The following PDE1C variants were observed in gnomAD, a reference collection of about 807,000 sequenced individuals.
PDE1C encodes phosphodiesterase 1C.
A neutral mutation model predicts 93.1 loss-of-function variants in PDE1C; 62 were observed. That is an observed-to-expected ratio of 0.67 (90% CI 0.54 to 0.82). The LOEUF is 0.82. Ranked by LOEUF, PDE1C falls within the 40% of genes least tolerant of loss-of-function variation. The pLI is 0.00. For missense variants in PDE1C, 742 were observed against 884.6 expected (o/e 0.84, Z 2.04); for synonymous variants, 325 against 310.1 (o/e 1.05, Z -0.50).
Position 32,211,013 on chromosome 7 carries a change from G to C in PDE1C, c.86-1474C>G, listed in dbSNP as rs188994474. Among the ~76,000 whole-genome samples, 677 of 152,200 alleles carry C rather than the reference G, an allele frequency of 4.4e-3. 3 individuals carry two copies. The highest frequency in any genetic ancestry group is 0.015 in the African/African-American group (626 of 41,538). ...GTCGGGTCACGAGGTCAGGAGACCA[G>C]CCTGCCCAAGATGGTGAAACCCCAT... is the stretch of plus-strand genomic sequence containing the variant. On this transcript the variant is annotated intron_variant, in intron 1 of 18. Coordinates refer to the PDE1C transcript ENST00000396193.
At chr7:32,316,905 G>A (rs910013216) in intron 1 of PDE1C, among the ~76,000 whole-genome samples, 2 of 152,180 alleles carry the variant, frequency 1.3e-5, no homozygotes, top group African/African-American at 4.8e-5. Flanking sequence ...CCAACAAAGA[G>A]CATTTGTGAG....
At chr7:31,833,576 A>T (rs1487842592) in intron 11 of PDE1C, among the ~76,000 whole-genome samples, 1 of 152,188 alleles carries the variant, frequency 6.6e-6, no homozygotes, top group Non-Finnish European at 1.5e-5. Context: ...ACGAGGAACT[A>T]GTTGGGAACT....
At chr7:32,423,465 TTG>T (rs1214829616) in intron 1 of PDE1C, among the ~76,000 whole-genome samples, 3 of 152,350 alleles carry the variant, frequency 2.0e-5, no homozygotes, top group African/African-American at 7.2e-5. Context: ...GGACCCAAGA[TTG>T]TGTGTTTCAG....
rs113822785 is a variant in PDE1C, at chr7:31,932,897, G to A, written c.129-52037C>T. Among the ~76,000 whole-genome samples, 1,361 of 152,212 alleles carry A rather than the reference G, an allele frequency of 8.9e-3. 22 individuals carry two copies. The highest frequency in any genetic ancestry group is 0.031 in the African/African-American group (1,275 of 41,540). Reference sequence around the variant, plus strand: ...ATACTATGCAGCCATAAAGAAGAATGAGTTCATGTTCTTTGCAAGGACGTG... The same window carrying A: ...ATACTATGCAGCCATAAAGAAGAATAAGTTCATGTTCTTTGCAAGGACGTG... On this transcript the variant is annotated intron_variant, in intron 2 of 17. Transcript: ENST00000396191.
At chr7:32,357,715 T>C (rs1784059392) in intron 1 of PDE1C, among the ~76,000 whole-genome samples, 1 of 152,160 alleles carries the variant, frequency 6.6e-6, no homozygotes. Context: ...CCAGCATTTC[T>C]TTATCTATAG....
the PDE1C span, among the ~76,000 whole-genome samples, chr7:31,647,343 A>G: frequency 6.6e-6 from 1 of 152,184 alleles, no homozygotes; most frequent in Non-Finnish European, 1.5e-5. Flanking sequence ...AGTGAAGATT[A>G]TAAGCAGAGA....
the PDE1C span, among the ~76,000 whole-genome samples, chr7:31,625,396 G>A: frequency 1.3e-5 from 2 of 152,038 alleles, no homozygotes; most frequent in Admixed American, 1.3e-4. Context: ...TGATAGACTG[G>A]ATTAAGAAAA....
chr7:32,040,894 C>T (rs1356369194), intron 2 of PDE1C, among the ~76,000 whole-genome samples: 1 of 152,102 alleles, frequency 6.6e-6, no homozygotes, highest in East Asian at 1.9e-4. Context: ...AGACAGTCAC[C>T]AATCCCTTGT....
chr7:31,711,199 G>C, the PDE1C span, among the ~76,000 whole-genome samples: 1 of 152,202 alleles, frequency 6.6e-6, no homozygotes, highest in Non-Finnish European at 1.5e-5. Flanking sequence ...GTATAATACA[G>C]ATCCTCGTGT....
chr7:31,866,186 G>C (rs1332203962), intron 6 of PDE1C, among the ~76,000 whole-genome samples: 1 of 152,000 alleles, frequency 6.6e-6, no homozygotes, highest in Admixed American at 6.6e-5. Flanking sequence ...ATGTCTTCCT[G>C]AGGATTAACA....
rs59246166 is a variant in PDE1C at position 32,005,555 on chromosome 7, C to CAA, written c.128+45997_128+45998dup. ...TGGGCGACAGAGCGAGACTCCATTT[C>CAA]AAAAAAAAAAAAAAAAAAAAAAAAA... On this transcript the variant is annotated intron_variant, in intron 2 of 17. Coordinates refer to ENST00000396191, the MANE Select transcript of PDE1C (RefSeq NM_001191057.4). Among the ~76,000 whole-genome samples, 317 of 50,696 alleles carry CAA rather than the reference C, an allele frequency of 6.3e-3. 27 individuals are homozygous for CAA. Among genetic ancestry groups the CAA allele is most frequent in the Non-Finnish European group, 7.3e-3 (197 of 26,840 alleles). The allele number at this position is 50,696 out of a possible 152,430, so 33.3% of individuals were successfully genotyped here. A position where few individuals can be genotyped will look rare whatever the true frequency, so the allele number is the denominator to read the frequency against.
At chr7:31,779,147 G>A (rs1380614271) in intron 16 of PDE1C, among the ~76,000 whole-genome samples, 1 of 152,180 alleles carries the variant, frequency 6.6e-6, no homozygotes, top group Non-Finnish European at 1.5e-5. Context: ...AGGTGGCCCA[G>A]GTGATTCCCA....
intron 1 of PDE1C, among the ~76,000 whole-genome samples, chr7:32,067,687 A>G (rs1396103124): frequency 6.6e-6 from 1 of 152,198 alleles, no homozygotes; most frequent in Non-Finnish European, 1.5e-5. Flanking sequence ...TTCCCACCTC[A>G]GTTTAGATTT....
chr7:31,921,124 G>A (rs1187038580), intron 2 of PDE1C, among the ~76,000 whole-genome samples: 1 of 152,102 alleles, frequency 6.6e-6, no homozygotes, highest in Non-Finnish European at 1.5e-5. Flanking sequence ...ACCCTTGTCT[G>A]GTGCATCTTT....
intron 1 of PDE1C, among the ~76,000 whole-genome samples, chr7:32,241,140 G>A (rs1808515655): frequency 6.6e-6 from 1 of 152,152 alleles, no homozygotes; most frequent in South Asian, 2.1e-4. Flanking sequence ...TCCAAATGGT[G>A]GCATCAAATA....
rs541554388 is a variant in PDE1C, at chr7:32,348,753, C to CA, written c.310+79068dup. ...GTAGGGGGACTCCCCAGATGGCCAT[C>CA]AAAAGATGTATCTTAAGCCAGTGAC... On this transcript the variant is annotated intron_variant, in intron 1 of 1. Transcript: ENST00000672256. Among the ~76,000 whole-genome samples, 15 of 152,298 alleles carry CA rather than the reference C, an allele frequency of 9.8e-5. No homozygotes were observed. In the East Asian group the frequency reaches 2.9e-3, roughly 29 times the overall value.
At chr7:31,770,441 G>T (rs1259467060) in intron 17 of PDE1C, among the ~76,000 whole-genome samples, 1 of 152,152 alleles carries the variant, frequency 6.6e-6, no homozygotes, top group African/African-American at 2.4e-5. Context: ...TTTGCACGTT[G>T]TTATGTTTAA....
intron 1 of PDE1C, among the ~76,000 whole-genome samples, chr7:32,323,631 C>G (rs1271014105): frequency 6.6e-6 from 1 of 152,122 alleles, no homozygotes; most frequent in Non-Finnish European, 1.5e-5. Flanking sequence ...ACCACGGAAC[C>G]AAGTCAAAGA....
intron 2 of PDE1C, among the ~76,000 whole-genome samples, chr7:31,988,543 A>AT (rs1205148412): frequency 6.6e-6 from 1 of 151,950 alleles, no homozygotes; most frequent in African/African-American, 2.4e-5. Flanking sequence ...GGCCTCTATA[A>AT]TTTTTTTTAA....
Sources: allele counts gnomAD v4.1 joint callset (sites outside exome capture counted in the v4.1 genomes callset), GRCh38; gene constraint gnomAD v4.1.1; transcripts MANE v1.5; gene names NCBI Gene and HGNC (gene_info 2026-07-23, HGNC 2026-07-21).